The following AUTS2 variants were observed in gnomAD, a reference collection of about 807,000 sequenced individuals.
The protein encoded by AUTS2 is autism susceptibility gene 2 protein.
In AUTS2, 17 loss-of-function variants were observed where a neutral mutation model predicts 112.4. The observed-to-expected ratio is 0.15, with a 90% CI of 0.10 to 0.23. AUTS2 has a LOEUF of 0.23. Among genes scored for constraint, AUTS2 ranks in the 10% least tolerant of loss-of-function variants. AUTS2 has a pLI of 1.00. For synonymous variants in AUTS2, 751 were observed against 702.7 expected (o/e 1.07, Z -1.09); for missense variants, 1,510 against 1,701.6 (o/e 0.89, Z 1.98).
chr7:70,148,985 G>A (rs1470456298), intron 4 of AUTS2, among the ~76,000 whole-genome samples: 1 of 151,940 alleles, frequency 6.6e-6, no homozygotes. Context: ...ACAAAGCAAG[G>A]TAAATAAAAT....
chr7:70,654,198 C>G (rs1806651056), intron 5 of AUTS2, among the ~76,000 whole-genome samples: 1 of 152,112 alleles, frequency 6.6e-6, no homozygotes, highest in Admixed American at 6.5e-5. Context: ...TCAAAATGAA[C>G]ATTATCTGTC....
intron 4 of AUTS2, among the ~76,000 whole-genome samples, chr7:70,274,360 C>T (rs1787831977): frequency 6.6e-6 from 1 of 151,910 alleles, no homozygotes; most frequent in Admixed American, 6.6e-5. Context: ...TAGTATGAAT[C>T]ATGACTCTAC....
At chr7:69,815,103 G>A (rs1481154363) in intron 1 of AUTS2, among the ~76,000 whole-genome samples, 2 of 152,196 alleles carry the variant, frequency 1.3e-5, no homozygotes, top group African/African-American at 4.8e-5. Context: ...CTGCCTTGTA[G>A]AATAATAAAA....
At chr7:70,744,952 T>C (rs770200008) in intron 6 of AUTS2, among the ~76,000 whole-genome samples, 3 of 152,084 alleles carry the variant, frequency 2.0e-5, no homozygotes, top group Non-Finnish European at 4.4e-5. Context: ...CTTTTCATCA[T>C]CGCCCCTCCA....
chr7:70,781,893 A>G (rs888189137), intron 15 of AUTS2, 137 bp downstream of exon 15: 1 of 1,071,658 alleles, frequency 9.3e-7, no homozygotes, highest in South Asian at 1.6e-5. Context: ...GCAAGGCAAC[A>G]TCGCAGCACA....
intron 5 of AUTS2, among the ~76,000 whole-genome samples, chr7:70,446,406 G>T (rs934129773): frequency 2.0e-5 from 3 of 152,190 alleles, no homozygotes; most frequent in African/African-American, 7.2e-5. Context: ...GTGTCACTCA[G>T]CAGTGTGCTG....
intron 4 of AUTS2, among the ~76,000 whole-genome samples, chr7:70,352,880 T>C (rs964245633): frequency 2.0e-5 from 3 of 152,180 alleles, no homozygotes; most frequent in African/African-American, 7.2e-5. Context: ...AGCGAAGATT[T>C]AACCAACAAG....
At chr7:70,015,562 A>G (rs1489552458) in intron 2 of AUTS2, among the ~76,000 whole-genome samples, 1 of 152,240 alleles carries the variant, frequency 6.6e-6, no homozygotes, top group Non-Finnish European at 1.5e-5. Context: ...CAAGGACAAT[A>G]AAAGAATTAG....
At chr7:70,458,759 C>T (rs915870192) in intron 5 of AUTS2, among the ~76,000 whole-genome samples, 1 of 152,160 alleles carries the variant, frequency 6.6e-6, no homozygotes, top group Non-Finnish European at 1.5e-5. Flanking sequence ...AAGCCATTTC[C>T]TTGTCTGGTG....
At chr7:70,450,512 CTGTT>C (rs1038721899) in intron 5 of AUTS2, among the ~76,000 whole-genome samples, 3 of 152,214 alleles carry the variant, frequency 2.0e-5, no homozygotes, top group Admixed American at 6.6e-5. Flanking sequence ...ATGAAAACTT[CTGTT>C]TGTTTGGTCA....
rs745724085 is a variant in AUTS2, at chr7:70,698,581, A to G, written c.703A>G (p.Ser235Gly). 18 of 1,607,206 alleles carry G rather than the reference A, an allele frequency of 1.1e-5. No individual in the cohort carries two copies. The highest frequency in any genetic ancestry group is 1.4e-5 in the Non-Finnish European group (16 of 1,176,838). ...SDQEEKASDA[S>G]SEKLFNTVIV... is the part of the protein sequence containing the mutation. ...TCTTGTTTTTCAGGCATCAGATGCC[A>G]GCTCTGAAAAACTCTTCAACACTGT... is the stretch of plus-strand genomic sequence containing the variant. The change falls in exon 6 of 19, where the codon AGC becomes GGC. Residue 235 changes from serine (S) to glycine (G), a missense_variant. Transcript: ENST00000342771.
At chr7:69,977,260 G>A (rs1798098989) in intron 2 of AUTS2, among the ~76,000 whole-genome samples, 1 of 152,150 alleles carries the variant, frequency 6.6e-6, no homozygotes, top group African/African-American at 2.4e-5. Flanking sequence ...TGTATGTGAA[G>A]GTTTATTTCT....
chr7:70,093,035 G>A (rs1423516149), intron 2 of AUTS2, among the ~76,000 whole-genome samples: 2 of 152,114 alleles, frequency 1.3e-5, no homozygotes, highest in African/African-American at 2.4e-5. Flanking sequence ...TTGCTGCTAC[G>A]TTGTATAAAG....
At chr7:69,804,992 C>G (rs1790238146) in intron 1 of AUTS2, among the ~76,000 whole-genome samples, 1 of 152,166 alleles carries the variant, frequency 6.6e-6, no homozygotes, top group Non-Finnish European at 1.5e-5. Context: ...GTCTCTTGAG[C>G]TTGTAACAGT....
chr7:70,630,437 G>A (rs927543227), intron 5 of AUTS2, among the ~76,000 whole-genome samples: 1 of 152,236 alleles, frequency 6.6e-6, no homozygotes, highest in African/African-American at 2.4e-5. Context: ...CAAGTAAATT[G>A]TGTTCTCGGC....
At chr7:70,418,075 C>CTGTGTGTGTGTGTGTGTGTGTGTGTGTG (rs34869843) in intron 4 of AUTS2, among the ~76,000 whole-genome samples, 1 of 136,370 alleles carries the variant, frequency 7.3e-6, no homozygotes, top group Non-Finnish European at 1.6e-5. Flanking sequence ...GGCTAACTTT[C>CTGTGTGTGTGTGTGTGTGTGTGTGTGTG]TGTGTGTGTG....
At chr7:70,649,881 A>G (rs1326805780) in intron 5 of AUTS2, among the ~76,000 whole-genome samples, 4 of 152,156 alleles carry the variant, frequency 2.6e-5, no homozygotes, top group African/African-American at 9.7e-5. Context: ...ATTTCCTTGT[A>G]GCTTAACAAT....
At chr7:70,338,665 C>T (rs575993654) in intron 4 of AUTS2, among the ~76,000 whole-genome samples, 78 of 152,088 alleles carry the variant, frequency 5.1e-4, no homozygotes, top group African/African-American at 1.8e-3. Context: ...TCCCTCATTT[C>T]GGTATCTTTT....
chr7:70,330,053 G>A (rs1790671382), intron 4 of AUTS2, among the ~76,000 whole-genome samples: 1 of 152,152 alleles, frequency 6.6e-6, no homozygotes, highest in African/African-American at 2.4e-5. Flanking sequence ...GCCTCCTCCT[G>A]AAGGCCTCAC....
Sources: gnomAD v4.1 joint callset for allele counts (sites outside exome capture counted in the v4.1 genomes callset) on GRCh38, gnomAD v4.1.1 for gene constraint, MANE v1.5 for transcripts, NCBI Gene and HGNC (gene_info 2026-07-23, HGNC 2026-07-21) for gene names.